Variants in DYNC2H1 observed in about 807,000 individuals in gnomAD.
The protein encoded by DYNC2H1 is cytoplasmic dynein 2 heavy chain 1.
A neutral mutation model predicts 570.0 loss-of-function variants in DYNC2H1; 410 were observed. That is an observed-to-expected ratio of 0.72 (90% CI 0.66 to 0.78). DYNC2H1 has a LOEUF of 0.78. Ranked by LOEUF, DYNC2H1 falls within the 30% of genes least tolerant of loss-of-function variation. The probability of loss-of-function intolerance (pLI) is 0.00; values close to 1 mark genes in which losing one functional copy is unlikely to be tolerated. For synonymous variants in DYNC2H1, 1,688 were observed against 1,677.6 expected (o/e 1.01, Z -0.15); for missense variants, 4,865 against 5,046.4 (o/e 0.96, Z 1.09).
chr11:103,311,766 C>A, intron 78 of DYNC2H1, 112 bp from the exon 79 acceptor site: 1 of 1,025,702 alleles, frequency 9.7e-7, no homozygotes, highest in Non-Finnish European at 1.4e-6. Flanking sequence ...TTAACTCAAA[C>A]CCGGTAAGCA....
chr11:103,155,820 C>T (rs931254371), intron 25 of DYNC2H1, among the ~76,000 whole-genome samples: 2 of 152,100 alleles, frequency 1.3e-5, no homozygotes, highest in African/African-American at 2.4e-5. Context: ...GCATTCTGGC[C>T]GTTCAAAATT....
chr11:103,320,944 G>T, intron 80 of DYNC2H1, 85 bp from the exon 81 acceptor site: 2 of 979,368 alleles, frequency 2.0e-6, no homozygotes, highest in South Asian at 1.7e-5. Context: ...AATACATTTG[G>T]CTACATGTTA....
chr11:103,307,952 G>GTAT, intron 78 of DYNC2H1, 121 bp downstream of exon 78: 1 of 454,910 alleles, frequency 2.2e-6, no homozygotes, highest in South Asian at 6.9e-5. Flanking sequence ...TTTAGATGAG[G>GTAT]TATACATAGA....
chr11:103,436,055 G>A (rs1264772102), intron 85 of DYNC2H1, 23 bp downstream of exon 85: 3 of 1,605,280 alleles, frequency 1.9e-6, no homozygotes, highest in Non-Finnish European at 2.6e-6. Context: ...TATTTACTAA[G>A]TGGGTTGTCT....
chr11:103,361,905 G>A (rs1395145667), intron 83 of DYNC2H1, among the ~76,000 whole-genome samples: 1 of 152,146 alleles, frequency 6.6e-6, no homozygotes, highest in Non-Finnish European at 1.5e-5. Flanking sequence ...ACAAAACGAG[G>A]ACAGAATTGA....
chr11:103,200,300 G>A, intron 50 of DYNC2H1, 146 bp downstream of exon 50: 1 of 579,170 alleles, frequency 1.7e-6, no homozygotes, highest in Non-Finnish European at 3.0e-6. Context: ...CATGCTCATG[G>A]CAGGAGAATT....
At position 103,140,374 on chromosome 11, in the gene DYNC2H1, G is replaced by A. The variant is rs550600371; in HGVS notation, c.2575-2894G>A. 4.2e-4 allele frequency among the ~76,000 whole-genome samples: 64 copies of A among 151,994 alleles called. 1 individual carries two copies. The highest frequency in any genetic ancestry group is 1.3e-3 in the African/African-American group (55 of 41,478). On this transcript the variant is annotated intron_variant, in intron 17 of 88. Coordinates refer to ENST00000375735, the MANE Select transcript of DYNC2H1 (RefSeq NM_001377.3). ...CCAGTTGTTCCTTTCCATGTTGAGT[G>A]CTTCCTTCAGGAACTCTTTTAGGGC... is the stretch of plus-strand genomic sequence containing the variant.
chr11:103,360,118 G>A (rs1940566550), intron 83 of DYNC2H1, among the ~76,000 whole-genome samples: 1 of 152,086 alleles, frequency 6.6e-6, no homozygotes, highest in African/African-American at 2.4e-5. Context: ...ATTGAAGTAT[G>A]TGGCCAGAAG....
At chr11:103,168,625 T>C in intron 31 of DYNC2H1, 130 bp from the exon 32 acceptor site, 1 of 955,788 alleles carries the variant, frequency 1.0e-6, no homozygotes, top group African/African-American at 1.7e-5. Context: ...TTTGTATTAC[T>C]ATACCATTCA....
Position 103,153,446 on chromosome 11 carries a change from A to G in DYNC2H1, c.3240A>G (p.Ala1080=), listed in dbSNP as rs1860665597. 5.1e-6 allele frequency: 8 copies of G among 1,568,254 alleles called. No homozygotes were observed. Among genetic ancestry groups the G allele is most frequent in the Non-Finnish European group, 6.9e-6 (8 of 1,157,348 alleles). ...AACATAATACTCTTGATAAAAGTGC[A>G]AAGTTAATAAAAGAGAAAAAAATTG... The part of the protein sequence containing the change: ...TGQHNTLDKS[A]KLIKEKKIEF... The change falls in exon 22 of 89, where the codon GCA becomes GCG. Residue 1080 remains alanine, a synonymous_variant. Transcript: ENST00000375735.
chr11:103,355,479 C>A (rs772927296), intron 82 of DYNC2H1, among the ~76,000 whole-genome samples: 4 of 152,034 alleles, frequency 2.6e-5, no homozygotes, highest in Non-Finnish European at 5.9e-5. Context: ...AAAGCTTGTA[C>A]TTTCTGTTCC....
At chr11:103,414,148 A>T (rs540809363) in intron 84 of DYNC2H1, among the ~76,000 whole-genome samples, 1 of 152,318 alleles carries the variant, frequency 6.6e-6, no homozygotes, top group Non-Finnish European at 1.5e-5. Context: ...CATAACCTTT[A>T]TCAATTAATA....
intron 82 of DYNC2H1, among the ~76,000 whole-genome samples, chr11:103,350,644 G>A (rs1224296830): frequency 6.6e-6 from 1 of 152,080 alleles, no homozygotes. Context: ...CACAGTTTTG[G>A]GGGCTAGAAG....
At chr11:103,354,564 CT>C (rs1352396251) in intron 82 of DYNC2H1, among the ~76,000 whole-genome samples, 4 of 151,750 alleles carry the variant, frequency 2.6e-5, no homozygotes, top group African/African-American at 4.8e-5. Context: ...ACTTATTAGA[CT>C]TTTTTTTGGA....
chr11:103,426,658 A>G (rs1379178080), intron 84 of DYNC2H1, among the ~76,000 whole-genome samples: 1 of 152,226 alleles, frequency 6.6e-6, no homozygotes, highest in Non-Finnish European at 1.5e-5. Context: ...CACAAAATCT[A>G]TGGCTAAACT....
rs541795779 is a variant in DYNC2H1 at position 103,137,552 on chromosome 11, T to C, written c.2574+1604T>C. 4.4e-3 allele frequency among the ~76,000 whole-genome samples: 672 copies of C among 152,338 alleles called. 2 individuals are homozygous for C. The highest frequency in any genetic ancestry group is 0.015 in the African/African-American group (642 of 41,572). ...AGATAGTTGTAGATAAGTGGCCTTA[T>C]TTCTGAGGGCTCTGTTCTGTTCCAT... is the stretch of plus-strand genomic sequence containing the variant. On this transcript the variant is annotated intron_variant, in intron 17 of 88. Coordinates refer to ENST00000375735, the MANE Select transcript of DYNC2H1 (RefSeq NM_001377.3).
chr11:103,458,398 T>C (rs1041122635), intron 87 of DYNC2H1, among the ~76,000 whole-genome samples: 1 of 152,172 alleles, frequency 6.6e-6, no homozygotes, highest in African/African-American at 2.4e-5. Context: ...AGTCACCTAA[T>C]GATGCATTTC....
rs1053510231 is a variant in DYNC2H1 at position 103,277,452 on chromosome 11, G to T, written c.10696-2896G>T. ...TTTCAGAAGCGCTGTATACTTCTGG[G>T]ATGTTTAGTCCCTTCTTACATTCTT... On this transcript the variant is annotated intron_variant, in intron 70 of 88. Transcript: ENST00000375735. The surrounding 1 kb of genome is among the most constrained non-coding windows in gnomAD (Gnocchi z 4.3). Among the ~76,000 whole-genome samples the T allele has an allele frequency of 6.6e-6, 1 of 151,986 alleles. No homozygotes were observed. The highest frequency in any genetic ancestry group is 1.5e-5 in the Non-Finnish European group (1 of 67,970).
rs1221398277 is a variant in DYNC2H1, at chr11:103,326,427, C to T, written c.12039+2437C>T. Among the ~76,000 whole-genome samples the T allele has an allele frequency of 6.6e-6, 1 of 152,282 alleles. No homozygotes were observed. The highest frequency in any genetic ancestry group is 1.9e-4 in the East Asian group (1 of 5,158). On this transcript the variant is annotated intron_variant, in intron 82 of 88. Transcript: ENST00000375735. The surrounding 1 kb of genome is among the most constrained non-coding windows in gnomAD (Gnocchi z 6.1). Reference sequence around the variant, plus strand: ...TGGGCCAGCCCTGTGGAGGGACGTACGAACCGCCTCTGTGCTGGCCCACAA... The same window carrying T: ...TGGGCCAGCCCTGTGGAGGGACGTATGAACCGCCTCTGTGCTGGCCCACAA...
Sources: allele counts gnomAD v4.1 joint callset (sites outside exome capture counted in the v4.1 genomes callset), GRCh38; gene constraint gnomAD v4.1.1; non-coding constraint Gnocchi (gnomAD v3.1); transcripts MANE v1.5; gene names NCBI Gene and HGNC (gene_info 2026-07-23, HGNC 2026-07-21).